The following TCF20 variants were observed in gnomAD, a reference collection of about 807,000 sequenced individuals.
TCF20 encodes the protein transcription factor 20.
A neutral mutation model predicts 148.6 loss-of-function variants in TCF20; 3 were observed. The observed-to-expected ratio is 0.02, with a 90% CI of 0.01 to 0.05. The LOEUF is 0.05. TCF20 is among the 10% of genes least tolerant of loss of function. TCF20 has a pLI of 1.00. For synonymous variants in TCF20, 1,049 were observed against 909.5 expected (o/e 1.15, Z -2.76); for missense variants, 2,350 against 2,429.3 (o/e 0.97, Z 0.69).
chr22:42,254,072 CT>C (rs1925583254), intron 1 of TCF20, among the ~76,000 whole-genome samples: 1 of 117,178 alleles, frequency 8.5e-6, no homozygotes, highest in Non-Finnish European at 1.8e-5. Flanking sequence ...GCAAAACTCC[CT>C]TTCAAAAAAA....
intron 3 of TCF20, among the ~76,000 whole-genome samples, chr22:42,173,243 TAA>T (rs1555910598): frequency 2.2e-5 from 3 of 137,412 alleles, no homozygotes; most frequent in Non-Finnish European, 3.2e-5. Flanking sequence ...ATACATTAAT[TAA>T]AAAAAAAAAA....
intron 1 of TCF20, among the ~76,000 whole-genome samples, chr22:42,280,958 T>C (rs1240711167): frequency 6.6e-6 from 1 of 152,100 alleles, no homozygotes; most frequent in Non-Finnish European, 1.5e-5. Flanking sequence ...AGAGCCAGGA[T>C]TGAACCCAGG....
rs116548313 is a variant in TCF20, at chr22:42,234,748, C to G, written c.-36-19407G>C. Among the ~76,000 whole-genome samples, 429 of 152,252 alleles carry G rather than the reference C, an allele frequency of 2.8e-3. 3 individuals are homozygous for G. The highest frequency in any genetic ancestry group is 9.7e-3 in the African/African-American group (401 of 41,524). On this transcript the variant is annotated intron_variant, in intron 1 of 5. Transcript: ENST00000677622. ...CCAAACTAAGGTGAAATAGTTACAT[C>G]TAAGTATCCAAGAAGAGCATCAAGA...
intron 1 of TCF20, among the ~76,000 whole-genome samples, chr22:42,221,596 A>G (rs1219277078): frequency 6.6e-6 from 1 of 152,124 alleles, no homozygotes; most frequent in East Asian, 1.9e-4. Context: ...GTCAGACAAA[A>G]TGTATAGCCA....
chr22:42,196,920 G>A (rs1321837502), intron 2 of TCF20, among the ~76,000 whole-genome samples: 3 of 152,180 alleles, frequency 2.0e-5, no homozygotes, highest in Admixed American at 2.0e-4. Context: ...ATCTGCCTGT[G>A]TAGCAGTTCT....
At chr22:42,221,740 T>G (rs868233807) in intron 1 of TCF20, among the ~76,000 whole-genome samples, 1 of 26,016 alleles carries the variant, frequency 3.8e-5, no homozygotes, top group Non-Finnish European at 7.8e-5. Flanking sequence ...TGGCAAAGGG[T>G]TTTTTTTTTT....
intron 5 of TCF20, among the ~76,000 whole-genome samples, chr22:42,162,356 C>G (rs1029827981): frequency 6.6e-6 from 1 of 152,098 alleles, no homozygotes; most frequent in African/African-American, 2.4e-5. Context: ...GAGGCTCAGA[C>G]AGAGCTGGAC....
At chr22:42,316,055 CT>C (rs1374195422) in intron 1 of TCF20, among the ~76,000 whole-genome samples, 1 of 143,480 alleles carries the variant, frequency 7.0e-6, no homozygotes, top group Non-Finnish European at 1.5e-5. Context: ...TTGCAGTGAG[CT>C]GAGATCGCGC....
In TCF20 at chr22:42,179,694, G is replaced by C; in HGVS notation, c.5664C>G (p.Ser1888=). The C allele has an allele frequency of 6.2e-7, 1 of 1,613,292 alleles. No homozygotes were observed. Among genetic ancestry groups the C allele is most frequent in the Non-Finnish European group, 8.5e-7 (1 of 1,179,368 alleles). Residue 1888 remains serine (S), a synonymous_variant, in exon 3 of 6, where the codon TCC becomes TCG. Transcript: ENST00000677622. ...AGGTGGCGCCTGCCTCCTGGCAGTG[G>C]GAACATTTCTGAAAGGAAGGGAAAA... The part of the protein sequence containing the change: ...ALEIAREMKC[S]HCQEAGATLG...
chr22:42,208,754 C>T (rs976220431), intron 2 of TCF20, among the ~76,000 whole-genome samples: 2 of 151,908 alleles, frequency 1.3e-5, no homozygotes. Flanking sequence ...AGGTAAAATG[C>T]CTTATATTAA....
chr22:42,185,945 C>T (rs1372639633), intron 2 of TCF20, among the ~76,000 whole-genome samples: 1 of 152,150 alleles, frequency 6.6e-6, no homozygotes, highest in Non-Finnish European at 1.5e-5. Context: ...AGAGACTTGT[C>T]CAGTTCTTCT....
intron 2 of TCF20, among the ~76,000 whole-genome samples, chr22:42,183,874 T>C (rs866531217): frequency 2.0e-5 from 3 of 151,920 alleles, no homozygotes; most frequent in African/African-American, 7.3e-5. Flanking sequence ...GTTCAAGCGA[T>C]TCCCCTGCCT....
At chr22:42,161,475 T>A in intron 5 of TCF20, 117 bp from the exon 6 acceptor site, 2 of 1,325,980 alleles carry the variant, frequency 1.5e-6, no homozygotes, top group Non-Finnish European at 2.1e-6. Context: ...CTCACGCCCC[T>A]CTGCAGATGT....
intron 4 of TCF20, 35 bp from the exon 5 acceptor site, chr22:42,168,771 TG>T: frequency 1.3e-6 from 2 of 1,584,944 alleles, no homozygotes. Context: ...GACAGACAGG[TG>T]GGAGAGGACA....
chr22:42,273,899 T>C (rs1355672484), upstream of TCF20: 1 of 152,804 alleles, frequency 6.5e-6, no homozygotes, highest in African/African-American at 2.4e-5. Context: ...TCTAGGTCAC[T>C]GATTCTACTA....
intron 2 of TCF20, among the ~76,000 whole-genome samples, chr22:42,209,263 A>T (rs1366542852): frequency 6.6e-6 from 1 of 152,232 alleles, no homozygotes; most frequent in Non-Finnish European, 1.5e-5. Flanking sequence ...AGAATGAGGA[A>T]GAAATGGGAT....
Position 42,261,776 on chromosome 22 carries a change from G to A in TCF20, c.-37+8563C>T, listed in dbSNP as rs1301714027. ...TGGGAGGCCGAGGTGGGCAGATCAC[G>A]AGGTCAGGAGTTCAAGACCAGACTG... On this transcript the variant is annotated intron_variant, in intron 1 of 5. Transcript: ENST00000677622. Among the ~76,000 whole-genome samples the A allele has an allele frequency of 5.3e-5, 8 of 152,126 alleles. No homozygotes were observed. In the South Asian group the frequency reaches 8.3e-4, roughly 16 times the overall value.
chr22:42,169,881 T>C lies in TCF20; in HGVS notation c.5765A>G (p.Glu1922Gly), dbSNP rs1277437294. Residue 1922 changes from glutamate (E) to glycine (G), a missense_variant, in exon 4 of 6, where the codon GAG becomes GGG. This residue lies in a region of TCF20 where 67 missense variants were observed against 60.8 expected (regional missense o/e 1.10). Transcript: ENST00000677622. ...AGGGCACCTCACCGAGAAGTTCTCC[T>C]CATGTAGCAAACAATCTGGAAGACA... ...CAIDADCLLH[E>G]ENFSVRCPKH... The C allele has an allele frequency of 6.2e-7, 1 of 1,613,150 alleles. No individual in the cohort carries two copies. Among genetic ancestry groups the C allele is most frequent in the Non-Finnish European group, 8.5e-7 (1 of 1,179,952 alleles).
In TCF20 at chr22:42,210,470, G is replaced by A; in HGVS notation, c.4836C>T (p.Ile1612=). The A allele has an allele frequency of 1.2e-6, 2 of 1,614,226 alleles. No individual in the cohort carries two copies. Among genetic ancestry groups the A allele is most frequent in the Non-Finnish European group, 1.7e-6 (2 of 1,180,050 alleles). ...GTGGCTGGGTGGCATATTTTAGTTT[G>A]ATCTCAGGTTCTTGGGGTTCCACAA... is the stretch of plus-strand genomic sequence containing the variant. ...VPIVEPQEPE[I]KLKYATQPLD... The change falls in exon 2 of 6, where the codon ATC becomes ATT. Residue 1612 remains isoleucine (I), a synonymous_variant. Transcript: ENST00000677622. The surrounding 1 kb of genome is among the most constrained non-coding windows in gnomAD (Gnocchi z 4.7).
Sources: allele counts gnomAD v4.1 joint callset (sites outside exome capture counted in the v4.1 genomes callset), GRCh38; gene constraint gnomAD v4.1.1; regional missense constraint gnomAD v4.1.1; non-coding constraint Gnocchi (gnomAD v3.1); transcripts MANE v1.5; gene names NCBI Gene and HGNC (gene_info 2026-07-23, HGNC 2026-07-21).